Variants in PGC observed in about 807,000 individuals in gnomAD.
PGC encodes gastricsin.
A neutral mutation model predicts 45.9 loss-of-function variants in PGC; 31 were observed. The observed-to-expected ratio is 0.67, with a 90% CI of 0.51 to 0.91. The LOEUF is 0.91. Ranked by LOEUF, PGC falls within the 40% of genes least tolerant of loss-of-function variation. The pLI is 0.00. For missense variants in PGC, 477 were observed against 493.2 expected (o/e 0.97, Z 0.31); for synonymous variants, 192 against 201.8 (o/e 0.95, Z 0.41).
chr6:41,747,294 A>G lies in PGC; in HGVS notation c.41T>C (p.Leu14Ser), dbSNP rs2127293406. 1 of 1,613,996 alleles carries G rather than the reference A, an allele frequency of 6.2e-7. No homozygotes were observed. The highest frequency in any genetic ancestry group is 8.5e-7 in the Non-Finnish European group (1 of 1,179,930). ...GACTCACTTGACCACTGCTGCCTCC[A>G]AGAGCTGGAGGCAGACCAAGACCAC... is the stretch of plus-strand genomic sequence containing the variant. ...MVVVLVCLQL[L>S]EAAVVKVPLK... The change falls in exon 1 of 9, where the codon TTG becomes TCG. Residue 14 changes from leucine to serine, a missense_variant. Transcript: ENST00000373025.
chr6:41,737,681 C>T (rs1367663273), intron 8 of PGC, 49 bp downstream of exon 8: 6 of 1,163,518 alleles, frequency 5.2e-6, no homozygotes, highest in Non-Finnish European at 6.5e-6. Context: ...CCCAGCCCTT[C>T]CTCCCAACCC....
rs536257456 is a variant in PGC, at chr6:41,739,314, C to T, written c.915+485G>A. ...CCCCTTCAGCACAAGCAACTGGCCC[C>T]GCCTGAACAAGCCTCCAGGCCCCCA... is the stretch of plus-strand genomic sequence containing the variant. On this transcript the variant is annotated intron_variant, in intron 7 of 8. Coordinates refer to ENST00000373025, the MANE Select transcript of PGC (RefSeq NM_002630.4). Among the ~76,000 whole-genome samples, 56 of 152,330 alleles carry T rather than the reference C, an allele frequency of 3.7e-4. No homozygotes were observed. In the South Asian group the frequency reaches 0.011, roughly 31 times the overall value.
At position 41,737,766 on chromosome 6, in the gene PGC, C is replaced by A. The variant is rs1274725196; in HGVS notation, c.978G>T (p.Val326=). 9.9e-6 allele frequency: 16 copies of A among 1,611,900 alleles called. No individual in the cohort carries two copies. In the Admixed American group the frequency reaches 2.3e-4, roughly 24 times the overall value. The part of the protein sequence containing the change: ...LPSLTFIING[V]EFPLPPSSYI... Reference sequence around the variant, plus strand: ...AGGAGGAAGGTGGCAGAGGGAACTCCACACCATTGATGATGAAGGTCAAGC... The same window carrying A: ...AGGAGGAAGGTGGCAGAGGGAACTCAACACCATTGATGATGAAGGTCAAGC... The change falls in exon 8 of 9, where the codon GTG becomes GTT. Residue 326 remains valine, a synonymous_variant. Coordinates refer to ENST00000373025, the MANE Select transcript of PGC (RefSeq NM_002630.4).
At chr6:41,739,109 G>T (rs1010574401) in intron 7 of PGC, among the ~76,000 whole-genome samples, 1 of 152,204 alleles carries the variant, frequency 6.6e-6, no homozygotes, top group Non-Finnish European at 1.5e-5. Context: ...CAAGCGCAGG[G>T]GAGCATGGCC....
Position 41,744,991 on chromosome 6 carries a change from C to A in PGC, c.60-183G>T, listed in dbSNP as rs202059512. Among the ~76,000 whole-genome samples the A allele has an allele frequency of 2.5e-5, 1 of 39,892 alleles. No individual in the cohort carries two copies. The highest frequency in any genetic ancestry group is 5.4e-5 in the Non-Finnish European group (1 of 18,350). 26.2% of individuals were successfully genotyped at this position (39,892 alleles called of 152,430 possible). On this transcript the variant is annotated intron_variant, in intron 1 of 8. Coordinates refer to ENST00000373025, the MANE Select transcript of PGC (RefSeq NM_002630.4). This position sits in a 1 kb window ranked among gnomAD's most constrained non-coding sequence, Gnocchi z 4.4. The stretch of plus-strand genomic sequence containing the variant: ...TTGCTCTCTGTCTCTGTCTGTCTGT[C>A]TCTCTGTGTGTGTGTGTGTGTGTGC...
At chr6:41,741,276 A>G in intron 5 of PGC, 1 of 1,396,476 alleles carries the variant, frequency 7.2e-7, no homozygotes, top group Non-Finnish European at 9.4e-7. Flanking sequence ...GGAAGTTAGC[A>G]ACATTAGTAA....
chr6:41,743,682 C>T (rs1329185648), intron 3 of PGC, among the ~76,000 whole-genome samples: 1 of 152,216 alleles, frequency 6.6e-6, no homozygotes, highest in Non-Finnish European at 1.5e-5. Context: ...CCCAGCAAAG[C>T]ACGTGGCTCA....
intron 4 of PGC, among the ~76,000 whole-genome samples, chr6:41,742,801 C>G (rs1259086251): frequency 2.0e-5 from 3 of 152,098 alleles, no homozygotes; most frequent in Non-Finnish European, 4.4e-5. Flanking sequence ...ATTTTTTGTA[C>G]TTTTAATAGA....
chr6:41,740,408 G>T lies in PGC; in HGVS notation c.767+83C>A, dbSNP rs536613139. On this transcript the variant is annotated intron_variant, in intron 6 of 8. Coordinates refer to ENST00000373025, the MANE Select transcript of PGC (RefSeq NM_002630.4). ...GTCCTCTGCCCCATCCCAGAGCAGT[G>T]CCAGACTGTGTGTGTGTGTGACATG... 196 of 1,517,254 alleles carry T rather than the reference G, an allele frequency of 1.3e-4. 1 individual carries two copies. The African/African-American group carries it at 2.5e-3, about 20-fold the overall frequency. The allele number at this position is 1,517,254 out of a possible 1,614,324, so 94.0% of individuals were successfully genotyped here. A position where few individuals can be genotyped will look rare whatever the true frequency, so the allele number is the denominator to read the frequency against.
intron 1 of PGC, among the ~76,000 whole-genome samples, chr6:41,745,566 T>TTTG (rs1771916783): frequency 6.7e-6 from 1 of 148,680 alleles, no homozygotes; most frequent in African/African-American, 2.5e-5. Context: ...TTTTTTTTTT[T>TTTG]GAGACAGAGT....
At chr6:41,740,755 C>G (rs560970985) in intron 5 of PGC, 145 bp from the exon 6 acceptor site, 4 of 1,451,684 alleles carry the variant, frequency 2.8e-6, no homozygotes, top group Admixed American at 5.5e-5. Context: ...TCCCTTCAGA[C>G]TGGGGCTCCC....
At position 41,744,924 on chromosome 6, in the gene PGC, T is replaced by C; in HGVS notation, c.60-116A>G. The C allele has an allele frequency of 2.3e-6, 2 of 885,084 alleles. No individual in the cohort carries two copies. Among genetic ancestry groups the C allele is most frequent in the Admixed American group, 2.2e-5 (1 of 44,824 alleles). 54.8% of individuals were successfully genotyped at this position (885,084 alleles called of 1,614,324 possible). ...TTCAACCTCCCTGCCACTCTGTTTG[T>C]TCCCCCTTGTCTGTGTGTGTCTTTT... On this transcript the variant is annotated intron_variant, in intron 1 of 8. Transcript: ENST00000373025. The surrounding 1 kb of genome is among the most constrained non-coding windows in gnomAD (Gnocchi z 4.4).
At position 41,743,278 on chromosome 6, in the gene PGC, G is replaced by T. The variant is rs745390244; in HGVS notation, c.440C>A (p.Thr147Asn). Residue 147 changes from threonine (T) to asparagine (N), a missense_variant, in exon 4 of 9, where the codon ACC becomes AAC. Transcript: ENST00000373025. ...CTCCCCATGCCCACTCACAGTCAGG[G>T]TGTCATAGCCAAAGAAGCCGGTGAG... ...GSLTGFFGYD[T>N]LTVQSIQVPN... 19 of 1,599,326 alleles carry T rather than the reference G, an allele frequency of 1.2e-5. No homozygotes were observed. The East Asian group carries it at 4.0e-4, about 34-fold the overall frequency.
rs556094931 is a variant in PGC, at chr6:41,744,052, T to G, written c.328+345A>C. 1.5e-4 allele frequency among the ~76,000 whole-genome samples: 22 copies of G among 150,914 alleles called. No homozygotes were observed. Among genetic ancestry groups the G allele is most frequent in the Middle Eastern group, 3.4e-3 (1 of 294 alleles). ...CAGAATAGAATGGAGTAGAATGGAG[T>G]GGGATGGAGTGGGATGGAATGGACT... On this transcript the variant is annotated intron_variant, in intron 3 of 8. Coordinates refer to ENST00000373025, the MANE Select transcript of PGC (RefSeq NM_002630.4). This position sits in a 1 kb window ranked among gnomAD's most constrained non-coding sequence, Gnocchi z 4.4.
Position 41,742,439 on chromosome 6 carries a change from C to T in PGC, c.498G>A (p.Glu166=). The T allele has an allele frequency of 6.2e-7, 1 of 1,614,140 alleles. No homozygotes were observed. Among genetic ancestry groups the T allele is most frequent in the Admixed American group, 1.7e-5 (1 of 60,004 alleles). The part of the protein sequence containing the change: ...PNQEFGLSEN[E]PGTNFVYAQF... ...GCGCATAGACGAAGTTGGTACCAGG[C>T]TCATTCTCACTCAAGCCGAACTCCT... Residue 166 remains glutamate (E), a synonymous_variant, in exon 5 of 9, where the codon GAG becomes GAA. Transcript: ENST00000373025.
rs771740557 is a variant in PGC at position 41,739,919 on chromosome 6, G to A, written c.795C>T (p.Gly265=). 6.2e-7 allele frequency: 1 copy of A among 1,614,092 alleles called. No homozygotes were observed. The highest frequency in any genetic ancestry group is 1.1e-5 in the South Asian group (1 of 91,084). ...EEFLIGGQAS[G]WCSEGCQAIV... ...TGGCCTGGCAACCCTCAGAACACCA[G>A]CCGGAGGCCTGGCCGCCGATGAGGA... The change falls in exon 7 of 9, where the codon GGC becomes GGT. Residue 265 remains glycine (G), a synonymous_variant. Transcript: ENST00000373025.
intron 7 of PGC, among the ~76,000 whole-genome samples, chr6:41,738,217 T>TATATATATACATATATATATAC (rs1561879928): frequency 1.5e-4 from 5 of 33,626 alleles, no homozygotes; most frequent in Admixed American, 4.2e-4. Context: ...TATATATGCA[T>TATATATATACATATATATATAC]ATATATATGC....
At chr6:41,740,781 A>G in intron 5 of PGC, 171 bp from the exon 6 acceptor site, 1 of 1,432,826 alleles carries the variant, frequency 7.0e-7, no homozygotes. Flanking sequence ...ACAGGGCTGT[A>G]TCCCTTAGAT....
rs747881293 is a variant in PGC, at chr6:41,744,375, C to T, written c.328+22G>A. 6.4e-7 allele frequency: 1 copy of T among 1,556,232 alleles called. No homozygotes were observed. Among genetic ancestry groups the T allele is most frequent in the South Asian group, 1.1e-5 (1 of 88,696 alleles). On this transcript the variant is annotated intron_variant, in intron 3 of 8. Coordinates refer to ENST00000373025, the MANE Select transcript of PGC (RefSeq NM_002630.4). The surrounding 1 kb of genome is among the most constrained non-coding windows in gnomAD (Gnocchi z 4.4). ...GTGCCTTGCCCTGCCAACCACCCCT[C>T]TCTGCCCAGCCCAGCACTCACTGCA...
Sources: allele counts gnomAD v4.1 joint callset (sites outside exome capture counted in the v4.1 genomes callset), GRCh38; gene constraint gnomAD v4.1.1; non-coding constraint Gnocchi (gnomAD v3.1); transcripts MANE v1.5; gene names NCBI Gene and HGNC (gene_info 2026-07-23, HGNC 2026-07-21).